Variants in DENND1B observed in about 807,000 individuals in gnomAD.
DENND1B encodes DENN domain-containing protein 1B.
A neutral mutation model predicts 90.1 loss-of-function variants in DENND1B; 59 were observed. That is an observed-to-expected ratio of 0.65 (90% confidence interval 0.53 to 0.81). The LOEUF (loss-of-function observed/expected upper bound fraction) is 0.81. Among genes scored for constraint, DENND1B ranks in the 40% least tolerant of loss-of-function variants. The probability of loss-of-function intolerance (pLI) is 0.00; values close to 1 mark genes in which losing one functional copy is unlikely to be tolerated. For synonymous variants in DENND1B, 337 were observed against 324.6 expected, an observed-to-expected ratio of 1.04 and a Z score of -0.41; for missense variants, 862 against 912.6, an observed-to-expected ratio of 0.94 and a Z score of 0.71.
At chr1:197,720,992 C>T (rs149468174) in intron 2 of DENND1B, among the ~76,000 whole-genome samples, 3 of 150,490 alleles carry the variant, frequency 2.0e-5, no homozygotes, top group Non-Finnish European at 4.4e-5. Flanking sequence ...TCTCAAACTT[C>T]AACAAAAATA....
chr1:197,757,545 A>G (rs1571640298), intron 2 of DENND1B: 1 of 152,324 alleles, frequency 6.6e-6, no homozygotes, highest in East Asian at 1.9e-4. Context: ...AAATTAAGAA[A>G]CACTGTTATT....
intron 4 of DENND1B, among the ~76,000 whole-genome samples, chr1:197,673,179 G>A (rs1199386221): frequency 1.3e-5 from 2 of 151,654 alleles, no homozygotes; most frequent in Non-Finnish European, 2.9e-5. Flanking sequence ...ACCCTCTAGT[G>A]ACAAATGTGA....
At chr1:197,777,620 G>A (rs572701962), upstream of DENND1B, among the ~76,000 whole-genome samples, 1 of 152,226 alleles carries the variant, frequency 6.6e-6, no homozygotes, top group African/African-American at 2.4e-5. Context: ...ATGACTGATA[G>A]AGAAGTGTAC....
intron 15 of DENND1B, among the ~76,000 whole-genome samples, chr1:197,558,156 A>G (rs962620425): frequency 2.6e-5 from 4 of 151,816 alleles, no homozygotes; most frequent in African/African-American, 9.7e-5. Flanking sequence ...TTGCTTTAAG[A>G]TGATGCTTTT....
chr1:197,607,076 A>T lies in DENND1B; in HGVS notation c.918T>A (p.Asp306Glu), dbSNP rs746389045. The change falls in exon 13 of 23, where the codon GAT (aspartate) becomes GAA (glutamate). Residue 306 changes from aspartate (D) to glutamate (E), a missense_variant. By Grantham distance (45) the Asp-to-Glu change is conservative. Coordinates refer to ENST00000620048, the MANE Select transcript of DENND1B (RefSeq NM_001195215.2). ...ACTGAATAGCCTTCATACTTACCAC[A>T]TCACTTGGTAGGTTGTTCAAGTCAC... ...PFSDLNNLPS[D>E]VVSALKNKLK... 2 of 1,602,234 alleles carry T rather than the reference A, an allele frequency of 1.2e-6. No homozygotes were observed. The highest frequency in any genetic ancestry group is 1.3e-5 in the African/African-American group (1 of 74,292).
chr1:197,555,235 C>CCCTAGAAGAAAACCTTTCTT (rs150693197), intron 15 of DENND1B, among the ~76,000 whole-genome samples: 13 of 152,140 alleles, frequency 8.5e-5, no homozygotes, highest in South Asian at 2.1e-4. Flanking sequence ...AAACCTTTCT[C>CCCTAGAAGAAAACCTTTCTT]CCTAGAAGAA....
chr1:197,530,376 T>C (rs904338542), intron 20 of DENND1B, among the ~76,000 whole-genome samples: 3 of 152,238 alleles, frequency 2.0e-5, no homozygotes, highest in African/African-American at 4.8e-5. Flanking sequence ...TAAAGTTCTT[T>C]AGACAACTGA....
chr1:197,735,993 C>A, intron 2 of DENND1B: 1 of 1,119,740 alleles, frequency 8.9e-7, no homozygotes, highest in Non-Finnish European at 1.3e-6. Flanking sequence ...AAAGGCTAAG[C>A]AAAGTATCTA....
Position 197,516,517 on chromosome 1 carries a change from T to TC in DENND1B, c.1516-3565dup, listed in dbSNP as rs746127249. Among the ~76,000 whole-genome samples, 326 of 151,840 alleles carry TC rather than the reference T, an allele frequency of 2.1e-3. 3 individuals carry two copies. Among genetic ancestry groups the TC allele is most frequent in the Non-Finnish European group, 4.0e-3 (269 of 67,832 alleles). On this transcript the variant is annotated intron_variant, in intron 20 of 22. Transcript: ENST00000620048. Reference sequence around the variant, plus strand: ...AGAGATAATCTGGGTCCATACAAGCTCAGCAGCTGATGGTGTTCTGGTGGG... The same window carrying TC: ...AGAGATAATCTGGGTCCATACAAGCTCCAGCAGCTGATGGTGTTCTGGTGGG...
At chr1:197,676,577 A>G (rs556512639) in intron 3 of DENND1B, among the ~76,000 whole-genome samples, 83 of 152,172 alleles carry the variant, frequency 5.5e-4, no homozygotes, top group Non-Finnish European at 1.1e-3. Context: ...ATTATTTTGG[A>G]TTCAGAATCC....
intron 20 of DENND1B, among the ~76,000 whole-genome samples, chr1:197,516,978 TG>T (rs1366414437): frequency 4.6e-5 from 7 of 151,996 alleles, no homozygotes; most frequent in African/African-American, 1.7e-4. Flanking sequence ...TTCCTCTGTA[TG>T]GCCACATATT....
At chr1:197,599,710 T>C (rs754239954) in intron 13 of DENND1B, among the ~76,000 whole-genome samples, 5 of 151,852 alleles carry the variant, frequency 3.3e-5, no homozygotes, top group Non-Finnish European at 7.4e-5. Context: ...AATAATTTTC[T>C]AACAAGTCTC....
At position 197,738,344 on chromosome 1, in the gene DENND1B, C is replaced by T. The variant is rs141376832; in HGVS notation, c.83-23270G>A. ...AACATTAAATCCACATAGAGAATGA[C>T]AGCCAGGTCACAACAATTCCCTCGT... On this transcript the variant is annotated intron_variant, in intron 2 of 22. Coordinates refer to ENST00000620048, the MANE Select transcript of DENND1B (RefSeq NM_001195215.2). Among the ~76,000 whole-genome samples, 104 of 152,322 alleles carry T rather than the reference C, an allele frequency of 6.8e-4. No individual in the cohort carries two copies. In the East Asian group the frequency reaches 0.02, roughly 29 times the overall value.
intron 3 of DENND1B, among the ~76,000 whole-genome samples, chr1:197,713,716 C>A: frequency 1.4e-5 from 1 of 72,806 alleles, no homozygotes; most frequent in Non-Finnish European, 2.6e-5. Flanking sequence ...CACATGTACT[C>A]TAAAACTTAG....
chr1:197,624,720 A>T (rs1452289021), intron 10 of DENND1B, among the ~76,000 whole-genome samples: 1 of 151,922 alleles, frequency 6.6e-6, no homozygotes, highest in East Asian at 1.9e-4. Flanking sequence ...AACTACTCTG[A>T]GCTACAGGAG....
chr1:197,655,884 G>A (rs1042310592), intron 6 of DENND1B, among the ~76,000 whole-genome samples: 5 of 152,038 alleles, frequency 3.3e-5, no homozygotes, highest in African/African-American at 1.2e-4. Context: ...TGAGTGGTCT[G>A]TAATCTATCA....
intron 1 of DENND1B, 103 bp downstream of exon 1, chr1:197,775,036 C>T (rs1558509155): frequency 3.6e-6 from 3 of 841,044 alleles, no homozygotes; most frequent in Admixed American, 4.7e-5. Context: ...ACCTCGGCCG[C>T]CCGGGGAGCC....
At chr1:197,683,278 T>G (rs1318492075) in intron 3 of DENND1B, among the ~76,000 whole-genome samples, 1 of 152,126 alleles carries the variant, frequency 6.6e-6, no homozygotes, top group Non-Finnish European at 1.5e-5. Flanking sequence ...CAATAAATCA[T>G]ATGGCTACCC....
At chr1:197,537,323 T>C (rs1172784386) in intron 20 of DENND1B, among the ~76,000 whole-genome samples, 1 of 152,170 alleles carries the variant, frequency 6.6e-6, no homozygotes, top group Non-Finnish European at 1.5e-5. Context: ...GTTATAATTA[T>C]TGCTGTCATG....
Sources: allele counts gnomAD v4.1 joint callset (sites outside exome capture counted in the v4.1 genomes callset), GRCh38; gene constraint gnomAD v4.1.1; transcripts MANE v1.5; gene names NCBI Gene and HGNC (gene_info 2026-07-23, HGNC 2026-07-21).